Variants in IQCK observed in about 807,000 individuals in gnomAD.
IQCK encodes IQ motif containing K.
IQCK carries 29 observed loss-of-function variants against 28.1 expected under a neutral mutation model. That is an observed-to-expected ratio of 1.03 (90% CI 0.77 to 1.41). The LOEUF is 1.41. Among genes scored for constraint, IQCK ranks in the 40% most tolerant of loss-of-function variants. The probability of loss-of-function intolerance (pLI) is 0.00; values close to 1 mark genes in which losing one functional copy is unlikely to be tolerated. For missense variants in IQCK, 359 were observed against 314.7 expected (o/e 1.14, Z -1.07); for synonymous variants, 113 against 115.1 (o/e 0.98, Z 0.12).
intron 4 of IQCK, 141 bp downstream of exon 4, chr16:19,735,591 A>C (rs1266714754): frequency 2.9e-6 from 2 of 683,478 alleles, no homozygotes; most frequent in South Asian, 1.7e-5. Flanking sequence ...GGGGTCACTT[A>C]CCCAGTTCCA....
At chr16:19,826,400 T>C (rs1337401403) in intron 7 of IQCK, among the ~76,000 whole-genome samples, 2 of 152,070 alleles carry the variant, frequency 1.3e-5, no homozygotes, top group African/African-American at 2.4e-5. Context: ...TTGTTTGAGA[T>C]GGAGTTTCTC....
chr16:19,771,627 C>T (rs927927321), intron 6 of IQCK, among the ~76,000 whole-genome samples: 1 of 152,014 alleles, frequency 6.6e-6, no homozygotes, highest in African/African-American at 2.4e-5. Flanking sequence ...CACAGATCAC[C>T]GAAGAGCTGG....
At chr16:19,839,144 A>AATTT (rs147206898) in intron 9 of IQCK, among the ~76,000 whole-genome samples, 599 of 148,926 alleles carry the variant, frequency 4.0e-3, no homozygotes, top group African/African-American at 9.0e-3. Context: ...GAACTGAGAA[A>AATTT]ATTTATTTAT....
At chr16:19,837,256 C>T (rs2056310400) in intron 9 of IQCK, among the ~76,000 whole-genome samples, 1 of 151,940 alleles carries the variant, frequency 6.6e-6, no homozygotes, top group South Asian at 2.1e-4. Context: ...TGAAAACTAG[C>T]TGGGTATGGT....
At chr16:19,722,880 C>G (rs1389864722) in intron 1 of IQCK, among the ~76,000 whole-genome samples, 1 of 152,110 alleles carries the variant, frequency 6.6e-6, no homozygotes, top group Non-Finnish European at 1.5e-5. Flanking sequence ...CCATGCCCAG[C>G]TAATTTTTGT....
chr16:19,764,101 G>A (rs752939889), exon 6 of IQCK: 2 of 1,611,830 alleles, frequency 1.2e-6, no homozygotes, highest in Middle Eastern at 1.6e-4. Flanking sequence ...TGGAGGAGCG[G>A]CTAAAGCAAC....
chr16:19,766,378 G>A (rs1379910774), intron 6 of IQCK, among the ~76,000 whole-genome samples: 1 of 152,222 alleles, frequency 6.6e-6, no homozygotes, highest in Admixed American at 6.5e-5. Flanking sequence ...GACCATCCAC[G>A]TGCCCTTCCT....
At chr16:19,761,731 G>C (rs1463363909) in intron 4 of IQCK, 4 of 241,320 alleles carry the variant, frequency 1.7e-5, no homozygotes, top group Non-Finnish European at 3.3e-5. Flanking sequence ...CATTACTCTG[G>C]GATGTCTTTT....
intron 6 of IQCK, among the ~76,000 whole-genome samples, chr16:19,776,998 C>T (rs2055405287): frequency 1.3e-5 from 2 of 152,030 alleles, no homozygotes; most frequent in African/African-American, 4.8e-5. Context: ...GATTCATTTG[C>T]AAAAATAAAT....
chr16:19,763,804 T>C, intron 4 of IQCK, 44 bp from the exon 5 acceptor site: 1 of 1,412,252 alleles, frequency 7.1e-7, no homozygotes, highest in Non-Finnish European at 1.0e-6. Context: ...AAATCCATAG[T>C]GTTTAAGGGT....
At chr16:19,782,975 A>G (rs1345466706) in intron 6 of IQCK, among the ~76,000 whole-genome samples, 1 of 145,952 alleles carries the variant, frequency 6.9e-6, no homozygotes, top group Non-Finnish European at 1.5e-5. Context: ...TCAGAATTAT[A>G]GCGTTGATTC....
At chr16:19,749,683 T>C (rs2054959480) in intron 4 of IQCK, among the ~76,000 whole-genome samples, 1 of 152,040 alleles carries the variant, frequency 6.6e-6, no homozygotes, top group African/African-American at 2.4e-5. Flanking sequence ...GGAGAATCCA[T>C]TGAGCTTGGG....
At chr16:19,728,229 C>T (rs949615143) in intron 1 of IQCK, among the ~76,000 whole-genome samples, 3 of 151,920 alleles carry the variant, frequency 2.0e-5, no homozygotes, top group Non-Finnish European at 4.4e-5. Flanking sequence ...GACCTCAGAC[C>T]TCAACCACAA....
chr16:19,729,964 T>G (rs1220839395), intron 1 of IQCK, among the ~76,000 whole-genome samples: 6 of 150,378 alleles, frequency 4.0e-5, no homozygotes, highest in Non-Finnish European at 8.9e-5. Flanking sequence ...TATTAATAAT[T>G]TTTTTTTAGA....
At chr16:19,758,933 A>C (rs1306752822) in intron 4 of IQCK, among the ~76,000 whole-genome samples, 1 of 152,216 alleles carries the variant, frequency 6.6e-6, no homozygotes, top group Non-Finnish European at 1.5e-5. Context: ...TTTCAACCTT[A>C]TCTTGAATTA....
chr16:19,808,368 T>C (rs574351262), intron 7 of IQCK, among the ~76,000 whole-genome samples: 1 of 152,244 alleles, frequency 6.6e-6, no homozygotes, highest in African/African-American at 2.4e-5. Context: ...GTACCCCCAG[T>C]ATGTGACGAA....
intron 3 of IQCK, 138 bp from the exon 4 acceptor site, chr16:19,735,215 G>A: frequency 3.1e-6 from 2 of 645,726 alleles, no homozygotes; most frequent in Non-Finnish European, 5.5e-6. Context: ...CAGCTCTGTA[G>A]TCTGGAGCAA....
At chr16:19,847,961 C>T (rs1027622814) in intron 9 of IQCK, among the ~76,000 whole-genome samples, 2 of 152,222 alleles carry the variant, frequency 1.3e-5, no homozygotes, top group African/African-American at 4.8e-5. Context: ...CGCCACCACA[C>T]CTGGCCCAAT....
intron 7 of IQCK, among the ~76,000 whole-genome samples, chr16:19,810,803 CAAA>C (rs1176927256): frequency 3.2e-5 from 3 of 95,006 alleles, no homozygotes; most frequent in Non-Finnish European, 2.3e-5. Flanking sequence ...AAGACTCCAG[CAAA>C]AAAAAAAAAA....
Sources: gnomAD v4.1 joint callset for allele counts (sites outside exome capture counted in the v4.1 genomes callset) on GRCh38, gnomAD v4.1.1 for gene constraint, MANE v1.5 for transcripts, NCBI Gene and HGNC (gene_info 2026-07-23, HGNC 2026-07-21) for gene names.